Variants in CDH19 observed in about 807,000 individuals in gnomAD.
CDH19 encodes the protein cadherin-19.
Under a neutral mutation model 64.2 loss-of-function variants are expected in CDH19, and 67 were observed. The ratio of observed to expected loss-of-function variants is 1.04; its 90% CI spans 0.86 to 1.28. The LOEUF is 1.28. Among genes scored for constraint, CDH19 ranks in the 50% most tolerant of loss-of-function variants. The pLI is 0.00. For missense variants in CDH19, 1,030 were observed against 929.0 expected (o/e 1.11, Z -1.41); for synonymous variants, 346 against 319.3 (o/e 1.08, Z -0.89).
At chr18:66,524,490 T>C (rs184533555) in intron 9 of CDH19, among the ~76,000 whole-genome samples, 1 of 149,490 alleles carries the variant, frequency 6.7e-6, no homozygotes, top group Admixed American at 6.7e-5. Flanking sequence ...GTAATGCATA[T>C]GTTAATTAAC....
intron 9 of CDH19, among the ~76,000 whole-genome samples, chr18:66,514,488 G>A (rs532627108): frequency 2.4e-4 from 37 of 151,300 alleles, no homozygotes; most frequent in Non-Finnish European, 4.3e-4. Flanking sequence ...ATAAAAATAT[G>A]AATTGAGGAA....
At chr18:66,558,130 A>G (rs1987588105) in intron 3 of CDH19, among the ~76,000 whole-genome samples, 1 of 149,140 alleles carries the variant, frequency 6.7e-6, no homozygotes, top group African/African-American at 2.5e-5. Context: ...GGCGACAGAC[A>G]TGTATCTGTA....
At chr18:66,596,875 G>T (rs1486389784) in intron 1 of CDH19, among the ~76,000 whole-genome samples, 1 of 151,164 alleles carries the variant, frequency 6.6e-6, no homozygotes, top group Non-Finnish European at 1.5e-5. Flanking sequence ...GAGGTCAGGA[G>T]ATCGAGACCA....
At chr18:66,565,706 G>A (rs952222405) in intron 3 of CDH19, among the ~76,000 whole-genome samples, 2 of 151,874 alleles carry the variant, frequency 1.3e-5, no homozygotes, top group African/African-American at 2.4e-5. Context: ...CAACACAAAT[G>A]CAGGAATGCT....
chr18:66,557,614 A>C (rs1020321312), intron 3 of CDH19, among the ~76,000 whole-genome samples: 1 of 151,948 alleles, frequency 6.6e-6, no homozygotes, highest in Non-Finnish European at 1.5e-5. Flanking sequence ...GTGGCATTTT[A>C]AAAGAACCAA....
At chr18:66,583,719 T>A (rs897207553) in intron 1 of CDH19, among the ~76,000 whole-genome samples, 3 of 151,954 alleles carry the variant, frequency 2.0e-5, no homozygotes, top group Non-Finnish European at 2.9e-5. Context: ...ACACCTACAA[T>A]CATCTAATCT....
intron 3 of CDH19, among the ~76,000 whole-genome samples, chr18:66,564,074 C>T (rs1234834820): frequency 6.6e-6 from 1 of 151,692 alleles, no homozygotes; most frequent in Non-Finnish European, 1.5e-5. Context: ...TTTGAAAATT[C>T]ATGATTTTTT....
chr18:66,544,291 GGTTTTACCT>G, intron 6 of CDH19, 67 bp from the exon 7 acceptor site: 1 of 1,448,174 alleles, frequency 6.9e-7, no homozygotes, highest in Non-Finnish European at 9.3e-7. Flanking sequence ...TTAGAAAAAA[GGTTTTACCT>G]GTTAAATTAA....
At chr18:66,518,415 G>T (rs2144371497) in intron 9 of CDH19, among the ~76,000 whole-genome samples, 1 of 152,004 alleles carries the variant, frequency 6.6e-6, no homozygotes, top group East Asian at 1.9e-4. Context: ...TGTAGTTTCA[G>T]TAGAGATGGT....
intron 5 of CDH19, among the ~76,000 whole-genome samples, chr18:66,548,634 T>C (rs908236133): frequency 1.3e-5 from 2 of 152,158 alleles, no homozygotes; most frequent in African/African-American, 4.8e-5. Flanking sequence ...GAACTGAGAA[T>C]TGACACTGCA....
chr18:66,516,483 A>G (rs1159765931), intron 9 of CDH19, among the ~76,000 whole-genome samples: 8 of 152,058 alleles, frequency 5.3e-5, no homozygotes, highest in Non-Finnish European at 1.2e-4. Flanking sequence ...TGCTTCAAAT[A>G]GAGATATAAT....
intron 5 of CDH19, among the ~76,000 whole-genome samples, chr18:66,545,461 T>G (rs1266318925): frequency 6.6e-6 from 1 of 151,904 alleles, no homozygotes; most frequent in African/African-American, 2.4e-5. Context: ...TCTCTTTCCC[T>G]TTCTTTTTGA....
chr18:66,516,851 T>C (rs553269916), intron 9 of CDH19, among the ~76,000 whole-genome samples: 30 of 151,980 alleles, frequency 2.0e-4, no homozygotes, highest in Non-Finnish European at 3.5e-4. Context: ...GAAAGAATGA[T>C]GATAGAGAGA....
chr18:66,535,593 T>C (rs560926268), intron 7 of CDH19, among the ~76,000 whole-genome samples: 10 of 147,746 alleles, frequency 6.8e-5, no homozygotes, highest in African/African-American at 2.4e-4. Flanking sequence ...ATCTGGAATC[T>C]GGAATCAGGA....
chr18:66,519,728 A>G (rs148006929), intron 9 of CDH19, among the ~76,000 whole-genome samples: 83 of 152,332 alleles, frequency 5.4e-4, no homozygotes, highest in African/African-American at 1.9e-3. Flanking sequence ...AACAAAACCT[A>G]ACAAAGAAAC....
At chr18:66,510,547 AAAAT>A (rs574839575) in intron 10 of CDH19, among the ~76,000 whole-genome samples, 245 of 146,208 alleles carry the variant, frequency 1.7e-3, no homozygotes, top group African/African-American at 3.7e-3. Flanking sequence ...ATAATAATAA[AAAAT>A]AAATAAATAA....
chr18:66,517,014 T>G (rs529644238), intron 9 of CDH19, among the ~76,000 whole-genome samples: 1 of 152,198 alleles, frequency 6.6e-6, no homozygotes, highest in African/African-American at 2.4e-5. Context: ...TTCCTAGGGA[T>G]ACTGAAGAAA....
intron 3 of CDH19, among the ~76,000 whole-genome samples, chr18:66,562,446 G>T (rs557445911): frequency 6.6e-6 from 1 of 151,976 alleles, no homozygotes; most frequent in African/African-American, 2.4e-5. Flanking sequence ...GACAGGAGGC[G>T]GAGCTCAGGT....
intron 7 of CDH19, among the ~76,000 whole-genome samples, chr18:66,541,687 A>G (rs765449819): frequency 1.3e-5 from 2 of 152,186 alleles, no homozygotes; most frequent in Non-Finnish European, 2.9e-5. Flanking sequence ...ATATTATTTA[A>G]AAGACACTTT....
Sources: allele counts gnomAD v4.1 joint callset (sites outside exome capture counted in the v4.1 genomes callset), GRCh38; gene constraint gnomAD v4.1.1; transcripts MANE v1.5; gene names NCBI Gene and HGNC (gene_info 2026-07-23, HGNC 2026-07-21).